The following SP4 variants were observed in gnomAD, a reference collection of about 807,000 sequenced individuals.
The protein encoded by SP4 is Sp4 transcription factor, also known as transcription factor Sp4.
A neutral mutation model predicts 72.8 loss-of-function variants in SP4; 19 were observed. The observed-to-expected ratio is 0.26, with a 90% CI of 0.18 to 0.38. The LOEUF is 0.38. Among genes scored for constraint, SP4 ranks in the 10% least tolerant of loss-of-function variants. The pLI, the probability that SP4 is intolerant of heterozygous loss-of-function variation, is 1.00. For synonymous variants in SP4, 395 were observed against 333.1 expected (o/e 1.19, Z -2.02); for missense variants, 1,008 against 926.3 (o/e 1.09, Z -1.14).
intron 3 of SP4, among the ~76,000 whole-genome samples, chr7:21,463,195 A>C (rs1288484493): frequency 6.6e-6 from 1 of 152,110 alleles, no homozygotes; most frequent in East Asian, 1.9e-4. Flanking sequence ...AGAAGGGAGA[A>C]TAAAGATACT....
chr7:21,437,076 A>G (rs1006256383), intron 3 of SP4, among the ~76,000 whole-genome samples: 1 of 152,220 alleles, frequency 6.6e-6, no homozygotes, highest in Non-Finnish European at 1.5e-5. Context: ...TCAGGCTAGT[A>G]TCAATAACTT....
chr7:21,485,880 A>G (rs1784800532), intron 5 of SP4, among the ~76,000 whole-genome samples: 1 of 152,030 alleles, frequency 6.6e-6, no homozygotes, highest in Non-Finnish European at 1.5e-5. Flanking sequence ...CAGGGGTATT[A>G]TCTTGAGATT....
chr7:21,445,986 GTA>G (rs1355453081), intron 3 of SP4, among the ~76,000 whole-genome samples: 78 of 84,790 alleles, frequency 9.2e-4, no homozygotes, highest in Admixed American at 2.7e-3. Flanking sequence ...TATCTTATGT[GTA>G]TGTGTGTGTG....
At chr7:21,469,791 A>G (rs1583417574) in intron 3 of SP4, among the ~76,000 whole-genome samples, 1 of 152,030 alleles carries the variant, frequency 6.6e-6, no homozygotes, top group East Asian at 1.9e-4. Context: ...TGACCTTGTG[A>G]TCCACCTACC....
At chr7:21,439,279 T>C (rs1783153204) in intron 3 of SP4, among the ~76,000 whole-genome samples, 1 of 151,902 alleles carries the variant, frequency 6.6e-6, no homozygotes, top group Non-Finnish European at 1.5e-5. Flanking sequence ...AGCTGTAAAT[T>C]TGTCAGTTTT....
At chr7:21,496,918 C>G (rs1781722858) in intron 5 of SP4, among the ~76,000 whole-genome samples, 1 of 152,192 alleles carries the variant, frequency 6.6e-6, no homozygotes, top group South Asian at 2.1e-4. Flanking sequence ...TCTGAGCAGG[C>G]TCACAGCACT....
chr7:21,443,819 A>G (rs530877560), intron 3 of SP4, among the ~76,000 whole-genome samples: 17 of 152,348 alleles, frequency 1.1e-4, no homozygotes, highest in Middle Eastern at 3.4e-3. Flanking sequence ...GAAATACTTA[A>G]AAGTGGTTTG....
chr7:21,439,762 G>C (rs1783178493), intron 3 of SP4, among the ~76,000 whole-genome samples: 1 of 152,114 alleles, frequency 6.6e-6, no homozygotes, highest in Non-Finnish European at 1.5e-5. Flanking sequence ...GCTGGATGTG[G>C]TGGCCCATGT....
intron 3 of SP4, among the ~76,000 whole-genome samples, chr7:21,443,552 G>T (rs1333979546): frequency 1.3e-5 from 2 of 152,200 alleles, no homozygotes; most frequent in Non-Finnish European, 2.9e-5. Context: ...GTACAGTTCT[G>T]TAATAATGAG....
chr7:21,446,015 T>C (rs1405566208), intron 3 of SP4, among the ~76,000 whole-genome samples: 1 of 135,034 alleles, frequency 7.4e-6, no homozygotes, highest in Non-Finnish European at 1.5e-5. Flanking sequence ...TGTGTGTGTG[T>C]GTGTGTGTGT....
intron 3 of SP4, among the ~76,000 whole-genome samples, chr7:21,471,587 T>C (rs1784344060): frequency 6.6e-6 from 1 of 152,162 alleles, no homozygotes; most frequent in South Asian, 2.1e-4. Flanking sequence ...TAGTCCCAGC[T>C]ACTTGGGAGG....
intron 3 of SP4, among the ~76,000 whole-genome samples, chr7:21,439,723 C>T (rs534217289): frequency 6.6e-6 from 1 of 151,934 alleles, no homozygotes; most frequent in African/African-American, 2.4e-5. Flanking sequence ...GACTGTACCT[C>T]TACGAAAAAA....
At chr7:21,497,821 C>A (rs1442227408) in intron 5 of SP4, among the ~76,000 whole-genome samples, 2 of 152,054 alleles carry the variant, frequency 1.3e-5, no homozygotes, top group Non-Finnish European at 2.9e-5. Flanking sequence ...AACCAAAGAG[C>A]TTCTATATTT....
chr7:21,489,693 G>A (rs972343095), intron 5 of SP4, among the ~76,000 whole-genome samples: 2 of 151,424 alleles, frequency 1.3e-5, no homozygotes, highest in African/African-American at 2.4e-5. Flanking sequence ...CCGAGTAGCT[G>A]GGACTACAGG....
chr7:21,454,120 T>G (rs1783684120), intron 3 of SP4, among the ~76,000 whole-genome samples: 1 of 152,210 alleles, frequency 6.6e-6, no homozygotes, highest in South Asian at 2.1e-4. Context: ...AGTAAGAAAT[T>G]CTAATTATGT....
At chr7:21,509,471 C>CTT (rs11392678) in intron 5 of SP4, among the ~76,000 whole-genome samples, 7 of 150,196 alleles carry the variant, frequency 4.7e-5, no homozygotes, top group South Asian at 2.1e-4. Flanking sequence ...AAATATTTTC[C>CTT]TTTTTTTTTA....
chr7:21,509,505 G>A (rs1164472709), intron 5 of SP4, among the ~76,000 whole-genome samples: 1 of 151,278 alleles, frequency 6.6e-6, no homozygotes, highest in Non-Finnish European at 1.5e-5. Context: ...AATCTTTGTA[G>A]CATGTATCTT....
rs1562577557 is a variant in SP4 at position 21,428,732 on chromosome 7, A to G, written c.63A>G (p.Glu21=). The G allele has an allele frequency of 6.4e-7, 1 of 1,554,250 alleles. No individual in the cohort carries two copies. The highest frequency in any genetic ancestry group is 8.7e-7 in the Non-Finnish European group (1 of 1,148,568). ...EAAAAAAMAT[E]GGKTSEPENN... Reference sequence around the variant, plus strand: ...CAGCGGCAGCGGCGATGGCTACAGAAGGAGGGAAAACCTCTGAGCCAGAGA... The same window carrying G: ...CAGCGGCAGCGGCGATGGCTACAGAGGGAGGGAAAACCTCTGAGCCAGAGA... Residue 21 remains glutamate (E), a synonymous_variant, in exon 2 of 6, where the codon GAA becomes GAG. Coordinates refer to ENST00000222584, the MANE Select transcript of SP4 (RefSeq NM_003112.5).
chr7:21,467,588 T>C (rs1215272808), intron 3 of SP4, among the ~76,000 whole-genome samples: 1 of 152,186 alleles, frequency 6.6e-6, no homozygotes, highest in Non-Finnish European at 1.5e-5. Context: ...TCCTGCTTGC[T>C]TATTTTAAGT....
Sources: allele counts gnomAD v4.1 joint callset (sites outside exome capture counted in the v4.1 genomes callset), GRCh38; gene constraint gnomAD v4.1.1; transcripts MANE v1.5; gene names NCBI Gene and HGNC (gene_info 2026-07-23, HGNC 2026-07-21).